Variants in SRRM3 observed in about 807,000 individuals in gnomAD.
SRRM3 encodes serine/arginine repetitive matrix 3.
SRRM3 carries 27 observed loss-of-function variants against 66.2 expected under a neutral mutation model. That is an observed-to-expected ratio of 0.41 (90% CI 0.30 to 0.56). SRRM3 has a LOEUF of 0.56. SRRM3 is among the 20% of genes least tolerant of loss of function. The pLI, the probability that SRRM3 is intolerant of heterozygous loss-of-function variation, is 0.32. For synonymous variants in SRRM3, 391 were observed against 414.9 expected (o/e 0.94, Z 0.70); for missense variants, 918 against 991.9 (o/e 0.93, Z 1.00).
At chr7:76,259,824 C>G in intron 3 of SRRM3, 82 bp from the exon 4 acceptor site, 1 of 1,579,568 alleles carries the variant, frequency 6.3e-7, no homozygotes, top group Non-Finnish European at 8.5e-7. Flanking sequence ...ACTTGCGGGG[C>G]TAGGTCAGGC....
intron 3 of SRRM3, among the ~76,000 whole-genome samples, chr7:76,248,929 G>A (rs782813103): frequency 5.3e-5 from 8 of 152,142 alleles, no homozygotes; most frequent in South Asian, 2.1e-4. Flanking sequence ...GCAGTGAGCC[G>A]AGATCCTGCC....
Position 76,243,841 on chromosome 7 carries a change from G to A in SRRM3, c.234-4347G>A, listed in dbSNP as rs150231655. On this transcript the variant is annotated intron_variant, in intron 2 of 14. Coordinates refer to ENST00000611745, the MANE Select transcript of SRRM3 (RefSeq NM_001110199.3). ...TGTTTGTCTCTGTGCTGGTGACAGTGACAAGCTAGTCTCTGCAAGAGAAGG... is the reference window on the plus strand; with the variant it reads ...TGTTTGTCTCTGTGCTGGTGACAGTAACAAGCTAGTCTCTGCAAGAGAAGG... Among the ~76,000 whole-genome samples, 98 of 152,362 alleles carry A rather than the reference G, an allele frequency of 6.4e-4. 1 individual carries two copies. The highest frequency in any genetic ancestry group is 2.3e-3 in the African/African-American group (95 of 41,592).
intron 1 of SRRM3, among the ~76,000 whole-genome samples, chr7:76,218,850 T>A (rs1358948617): frequency 6.6e-6 from 1 of 151,564 alleles, no homozygotes; most frequent in African/African-American, 2.4e-5. Context: ...GGCCTTTTTG[T>A]TTGTTTGTTT....
At chr7:76,229,024 G>A (rs962076402) in intron 1 of SRRM3, among the ~76,000 whole-genome samples, 8 of 151,500 alleles carry the variant, frequency 5.3e-5, no homozygotes. Context: ...TCAGCCTCCG[G>A]AGTAGCTGGG....
chr7:76,273,971 T>G (rs1342593973), intron 11 of SRRM3, among the ~76,000 whole-genome samples: 9 of 152,226 alleles, frequency 5.9e-5, no homozygotes, highest in Admixed American at 5.9e-4. Flanking sequence ...TCTGTGTGGT[T>G]TAGCATTCCA....
chr7:76,255,272 C>A (rs1183510687), intron 3 of SRRM3, among the ~76,000 whole-genome samples: 1 of 151,578 alleles, frequency 6.6e-6, no homozygotes, highest in African/African-American at 2.4e-5. Flanking sequence ...GCCTCAGCCC[C>A]TCAAGAAGCT....
intron 1 of SRRM3, among the ~76,000 whole-genome samples, chr7:76,212,043 C>T (rs1758852394): frequency 6.6e-6 from 1 of 150,734 alleles, no homozygotes; most frequent in Non-Finnish European, 1.5e-5. Context: ...AGAGTCTCTA[C>T]AAAACTCAGC....
At chr7:76,283,394 T>C (rs1029674167) in intron 14 of SRRM3, 2 of 536,212 alleles carry the variant, frequency 3.7e-6, no homozygotes, top group Non-Finnish European at 6.9e-6. Flanking sequence ...GCTCTGTACT[T>C]GGGTCTGGGT....
At chr7:76,278,644 C>T (rs1054681037) in intron 11 of SRRM3, among the ~76,000 whole-genome samples, 1 of 152,216 alleles carries the variant, frequency 6.6e-6, no homozygotes, top group Non-Finnish European at 1.5e-5. Flanking sequence ...ATGCCTGTGT[C>T]TGCCCCAAAT....
At chr7:76,243,138 C>T (rs2117015768) in intron 2 of SRRM3, among the ~76,000 whole-genome samples, 1 of 152,284 alleles carries the variant, frequency 6.6e-6, no homozygotes, top group Non-Finnish European at 1.5e-5. Context: ...ATCCAGATGA[C>T]AACCTTGAAA....
At chr7:76,224,077 CTTTTTTTTTTTT>C (rs782746897) in intron 1 of SRRM3, among the ~76,000 whole-genome samples, 3 of 60,938 alleles carry the variant, frequency 4.9e-5, no homozygotes, top group African/African-American at 1.5e-4. Context: ...TCCCTTCCCT[CTTTTTTTTTTTT>C]TTTTTTTTTG....
At chr7:76,225,531 C>T (rs956280797) in intron 1 of SRRM3, among the ~76,000 whole-genome samples, 9 of 143,578 alleles carry the variant, frequency 6.3e-5, no homozygotes, top group African/African-American at 2.0e-4. Flanking sequence ...CAAATGGGGC[C>T]CCCTGAACTG....
chr7:76,261,637 A>G (rs1801875003), intron 8 of SRRM3, 56 bp downstream of exon 8: 1 of 1,568,678 alleles, frequency 6.4e-7, no homozygotes, highest in Non-Finnish European at 8.7e-7. Flanking sequence ...CCAAAGCCCA[A>G]AGGACGCAAT....
intron 3 of SRRM3, among the ~76,000 whole-genome samples, chr7:76,251,536 G>C (rs937587110): frequency 1.3e-5 from 2 of 152,050 alleles, no homozygotes; most frequent in South Asian, 4.2e-4. Flanking sequence ...TGCCACGCCC[G>C]GCTAATTTTT....
At chr7:76,226,797 G>GC (rs1167714545) in intron 1 of SRRM3, among the ~76,000 whole-genome samples, 5 of 151,870 alleles carry the variant, frequency 3.3e-5, no homozygotes, top group African/African-American at 1.2e-4. Context: ...CACCATGTTG[G>GC]TCAAGCTGGT....
intron 1 of SRRM3, among the ~76,000 whole-genome samples, chr7:76,213,855 G>A (rs1045242295): frequency 8.6e-5 from 13 of 151,868 alleles, no homozygotes; most frequent in African/African-American, 3.1e-4. Context: ...CTGCAGCCTC[G>A]AACTCCCAGG....
At chr7:76,262,840 GA>G (rs1437335862) in intron 8 of SRRM3, among the ~76,000 whole-genome samples, 1 of 132,792 alleles carries the variant, frequency 7.5e-6, no homozygotes, top group Non-Finnish European at 1.6e-5. Context: ...AAGAAAGAAA[GA>G]AAAGAAAAGG....
chr7:76,284,996 G>T (rs554778050), intron 14 of SRRM3, among the ~76,000 whole-genome samples: 1 of 152,202 alleles, frequency 6.6e-6, no homozygotes, highest in African/African-American at 2.4e-5. Flanking sequence ...GGGCTGGGAC[G>T]TAGTCACAGA....
intron 1 of SRRM3, among the ~76,000 whole-genome samples, chr7:76,217,470 A>G (rs1196644088): frequency 6.6e-6 from 1 of 152,108 alleles, no homozygotes; most frequent in Non-Finnish European, 1.5e-5. Context: ...TTTTTAGTAG[A>G]GACTGAGTTT....
Sources: allele counts gnomAD v4.1 joint callset (sites outside exome capture counted in the v4.1 genomes callset), GRCh38; gene constraint gnomAD v4.1.1; transcripts MANE v1.5; gene names NCBI Gene and HGNC (gene_info 2026-07-23, HGNC 2026-07-21).